Variants in MCM4 observed in about 807,000 individuals in gnomAD.
The protein encoded by MCM4 is minichromosome maintenance complex component 4.
A neutral mutation model predicts 88.7 loss-of-function variants in MCM4; 60 were observed. That is an observed-to-expected ratio of 0.68 (90% CI 0.55 to 0.84). MCM4 has a LOEUF of 0.84. MCM4 is among the 40% of genes least tolerant of loss of function. The probability of loss-of-function intolerance (pLI) is 0.00; values close to 1 mark genes in which losing one functional copy is unlikely to be tolerated. For synonymous variants in MCM4, 465 were observed against 410.5 expected (o/e 1.13, Z -1.61); for missense variants, 1,149 against 1,105.5 (o/e 1.04, Z -0.56).
rs773938825 is a variant in MCM4 at position 47,961,516 on chromosome 8, C to G, written c.71C>G (p.Pro24Arg). 6.2e-7 allele frequency: 1 copy of G among 1,613,848 alleles called. No individual in the cohort carries two copies. Among genetic ancestry groups the G allele is most frequent in the Non-Finnish European group, 8.5e-7 (1 of 1,180,050 alleles). ...RRGRATPAQT[P>R]RSEDARSSPS... Reference sequence around the variant, plus strand: ...TCTTTTCTGTTTTGTGTGACACAAGCTCGGAGTGAGGATGCCAGGTCATCT... The same window carrying G: ...TCTTTTCTGTTTTGTGTGACACAAGGTCGGAGTGAGGATGCCAGGTCATCT... The change falls in exon 3 of 17, where the codon CCT becomes CGT. Residue 24 changes from proline to arginine, a missense_variant and splice_region_variant. By Grantham distance (103) the Pro-to-Arg change is moderately radical. Coordinates refer to ENST00000649973, the MANE Select transcript of MCM4 (RefSeq NM_182746.3).
chr8:47,963,282 A>G (rs966799314), intron 7 of MCM4, among the ~76,000 whole-genome samples: 2 of 151,950 alleles, frequency 1.3e-5, no homozygotes, highest in African/African-American at 4.8e-5. Context: ...GTGAAACCCC[A>G]TCTGTACTAA....
At chr8:47,971,846 G>A (rs1227880205) in intron 13 of MCM4, among the ~76,000 whole-genome samples, 1 of 152,186 alleles carries the variant, frequency 6.6e-6, no homozygotes, top group Admixed American at 6.5e-5. Context: ...TTCATAAATG[G>A]ATTTTAGGTT....
chr8:47,963,518 T>C (rs1256512347), intron 7 of MCM4, among the ~76,000 whole-genome samples: 3 of 152,182 alleles, frequency 2.0e-5, no homozygotes, highest in African/African-American at 7.2e-5. Flanking sequence ...ATTTTAATGT[T>C]CCTGAAAGTG....
At chr8:47,963,719 C>G (rs2090869985) in intron 7 of MCM4, among the ~76,000 whole-genome samples, 1 of 152,204 alleles carries the variant, frequency 6.6e-6, no homozygotes, top group Admixed American at 6.5e-5. Context: ...ACTTTTACTT[C>G]TAAGCCTCAG....
At position 47,966,167 on chromosome 8, in the gene MCM4, C is replaced by T. The variant is rs2090896189; in HGVS notation, c.833-20C>T. Reference sequence around the variant, plus strand: ...CCACACCTCAGGTCAGGTGTGCTGACCTCTCTTCTCCCCTCACAGACATTG... The same window carrying T: ...CCACACCTCAGGTCAGGTGTGCTGATCTCTCTTCTCCCCTCACAGACATTG... On this transcript the variant is annotated intron_variant, in intron 8 of 16. Transcript: ENST00000649973. 2.5e-6 allele frequency: 4 copies of T among 1,604,438 alleles called. No homozygotes were observed. The highest frequency in any genetic ancestry group is 3.4e-6 in the Non-Finnish European group (4 of 1,171,878).
intron 14 of MCM4, 55 bp from the exon 15 acceptor site, chr8:47,974,679 C>CT: frequency 6.9e-7 from 1 of 1,441,758 alleles, no homozygotes; most frequent in Non-Finnish European, 9.7e-7. Flanking sequence ...ACCCACAAAA[C>CT]TAAAGTTGTC....
intron 10 of MCM4, chr8:47,969,504 T>C: frequency 2.8e-6 from 1 of 360,690 alleles, no homozygotes; most frequent in South Asian, 4.2e-5. Flanking sequence ...GTGATCCGCC[T>C]GCCTCAGCCT....
chr8:47,975,962 A>C, intron 16 of MCM4, 114 bp downstream of exon 16: 1 of 817,112 alleles, frequency 1.2e-6, no homozygotes, highest in Non-Finnish European at 1.7e-6. Flanking sequence ...GAATGAAGAA[A>C]AGGAAGATGA....
chr8:47,967,920 C>A (rs2090914638), intron 10 of MCM4, among the ~76,000 whole-genome samples: 1 of 152,124 alleles, frequency 6.6e-6, no homozygotes, highest in Admixed American at 6.5e-5. Flanking sequence ...AAATGTATAG[C>A]CAAGGGTTAA....
In MCM4 at chr8:47,978,132, T is replaced by A. The variant is rs759687962; in HGVS notation, c.*1354T>A. The A allele has an allele frequency of 6.6e-6, 1 of 152,198 alleles. No homozygotes were observed. Among genetic ancestry groups the A allele is most frequent in the Non-Finnish European group, 1.5e-5 (1 of 68,034 alleles). 9.4% of individuals were successfully genotyped at this position (152,198 alleles called of 1,614,324 possible). The stretch of plus-strand genomic sequence containing the variant: ...CTAAAATCTTACGTGTAAGTACTAC[T>A]ACAATAAATAATTTCTGAAACCTTT... On this transcript the variant is annotated 3_prime_UTR_variant, in exon 17 of 17. Coordinates refer to ENST00000649973, the MANE Select transcript of MCM4 (RefSeq NM_182746.3).
Position 47,970,549 on chromosome 8 carries a change from T to C in MCM4, c.1473T>C (p.Asp491=). 1 of 1,610,628 alleles carries C rather than the reference T, an allele frequency of 6.2e-7. No homozygotes were observed. Among genetic ancestry groups the C allele is most frequent in the Non-Finnish European group, 8.5e-7 (1 of 1,177,182 alleles). Residue 491 remains aspartate, a synonymous_variant, in exon 12 of 17, where the codon GAT becomes GAC. Transcript: ENST00000649973. ...LLQLFGGTRK[D]FSHTGRGKFR... is the part of the protein sequence containing the mutation. The stretch of plus-strand genomic sequence containing the variant: ...AGCTCTTTGGCGGGACAAGGAAGGA[T>C]TTTAGTCACACTGGAAGGGGCAAAT...
Position 47,962,873 on chromosome 8 carries a change from C to G in MCM4, c.597+14C>G, listed in dbSNP as rs931777540. The G allele has an allele frequency of 6.3e-7, 1 of 1,583,192 alleles. No individual in the cohort carries two copies. The highest frequency in any genetic ancestry group is 8.6e-7 in the Non-Finnish European group (1 of 1,162,740). On this transcript the variant is annotated intron_variant, in intron 6 of 16. Transcript: ENST00000649973. The stretch of plus-strand genomic sequence containing the variant: ...CGACTTGGGGAGGTAATCAAATACT[C>G]TTTAAATTCAAGTTACGTGTTTTAA...
chr8:47,967,878 T>G (rs1350141013), intron 10 of MCM4, among the ~76,000 whole-genome samples: 1 of 152,224 alleles, frequency 6.6e-6, no homozygotes, highest in Non-Finnish European at 1.5e-5. Context: ...TCACCAATGC[T>G]GGAGTTTTAA....
At chr8:47,966,083 C>A in intron 8 of MCM4, 104 bp from the exon 9 acceptor site, 1 of 888,654 alleles carries the variant, frequency 1.1e-6, no homozygotes, top group East Asian at 2.5e-5. Context: ...AGAAAGGTCG[C>A]CCTAGGCAGA....
rs2090947782 is a variant in MCM4, at chr8:47,970,888, TCTC to T, written c.1800+14_1800+16del. 6.4e-7 allele frequency: 1 copy of T among 1,570,852 alleles called. No homozygotes were observed. The highest frequency in any genetic ancestry group is 8.7e-7 in the Non-Finnish European group (1 of 1,155,720). On this transcript the variant is annotated intron_variant, in intron 12 of 16. Transcript: ENST00000649973. ...TGTCCATTGCAAAGGTGAGTCGCCT[TCTC>T]CACCGTGAACATGGACGTGTTTAAA...
At position 47,975,037 on chromosome 8, in the gene MCM4, A is replaced by C; in HGVS notation, c.2365+75A>C. 5.1e-6 allele frequency: 6 copies of C among 1,182,650 alleles called. No individual in the cohort carries two copies. In the South Asian group the frequency reaches 8.8e-5, roughly 17 times the overall value. 73.3% of individuals were successfully genotyped at this position (1,182,650 alleles called of 1,614,324 possible). A position where few individuals can be genotyped will look rare whatever the true frequency, so the allele number is the denominator to read the frequency against. ...GCATGTAGTTTATATGTCAGATTTA[A>C]GCTAACAGTTAAATCATTTGAAACA... On this transcript the variant is annotated intron_variant, in intron 15 of 16. Transcript: ENST00000649973.
In MCM4 at chr8:47,965,719, T is replaced by TTA. The variant is rs2090892409; in HGVS notation, c.833-467_833-466dup. Among the ~76,000 whole-genome samples the TTA allele has an allele frequency of 2.6e-5, 4 of 152,178 alleles. No homozygotes were observed. The South Asian group carries it at 8.3e-4, about 32-fold the overall frequency. On this transcript the variant is annotated intron_variant, in intron 8 of 16. Coordinates refer to ENST00000649973, the MANE Select transcript of MCM4 (RefSeq NM_182746.3). ...TTCTCCTGTGTGGATAATAATGACT[T>TTA]TAAAGTATAGAGGACTTTTTCTCTA... is the stretch of plus-strand genomic sequence containing the variant.
At chr8:47,976,429 G>A (rs781353916) in intron 16 of MCM4, among the ~76,000 whole-genome samples, 1 of 152,142 alleles carries the variant, frequency 6.6e-6, no homozygotes, top group Non-Finnish European at 1.5e-5. Context: ...CAGTCTTTCA[G>A]TGCTGGTCCA....
intron 7 of MCM4, among the ~76,000 whole-genome samples, chr8:47,964,214 ACT>A (rs909305771): frequency 3.9e-5 from 6 of 152,120 alleles, no homozygotes; most frequent in South Asian, 2.1e-4. Context: ...CAAGAGTGAA[ACT>A]CTGCCTCAAA....
Sources: allele counts gnomAD v4.1 joint callset (sites outside exome capture counted in the v4.1 genomes callset), GRCh38; gene constraint gnomAD v4.1.1; transcripts MANE v1.5; gene names NCBI Gene and HGNC (gene_info 2026-07-23, HGNC 2026-07-21).